Variants in C12orf42 observed in about 807,000 individuals in gnomAD.
C12orf42 encodes the protein chromosome 12 open reading frame 42, also known as uncharacterized protein C12orf42.
In C12orf42, 25 loss-of-function variants were observed where a neutral mutation model predicts 21.6. That is an observed-to-expected ratio of 1.16 (90% CI 0.84 to 1.62). C12orf42 has a LOEUF of 1.62. C12orf42 is among the 40% of genes most tolerant of loss of function. C12orf42 has a pLI of 0.00. For missense variants in C12orf42, 483 were observed against 459.3 expected (o/e 1.05, Z -0.47); for synonymous variants, 174 against 175.0 (o/e 0.99, Z 0.05).
the C12orf42 span, among the ~76,000 whole-genome samples, chr12:103,531,957 C>G: frequency 6.6e-6 from 1 of 152,080 alleles, no homozygotes; most frequent in African/African-American, 2.4e-5. Flanking sequence ...TTTTTAAGAC[C>G]AAATGATAAG....
chr12:103,286,003 TG>T (rs760898451), intron 4 of C12orf42, among the ~76,000 whole-genome samples: 3 of 151,868 alleles, frequency 2.0e-5, no homozygotes, highest in East Asian at 3.9e-4. Context: ...CCCAGCACTT[TG>T]GGGGGGTGCC....
At chr12:103,410,079 A>G (rs1257034974) in intron 2 of C12orf42, among the ~76,000 whole-genome samples, 2 of 152,188 alleles carry the variant, frequency 1.3e-5, no homozygotes, top group Admixed American at 6.6e-5. Context: ...AATACATCTT[A>G]AAGATCATTT....
At chr12:103,502,336 C>T in the C12orf42 span, among the ~76,000 whole-genome samples, 2 of 152,122 alleles carry the variant, frequency 1.3e-5, no homozygotes, top group African/African-American at 4.8e-5. Context: ...ATGGAGCAGT[C>T]AGAGTGATCT....
At chr12:103,423,254 C>T (rs1289087955) in intron 2 of C12orf42, among the ~76,000 whole-genome samples, 1 of 152,138 alleles carries the variant, frequency 6.6e-6, no homozygotes, top group Non-Finnish European at 1.5e-5. Flanking sequence ...AATTTGTGGG[C>T]CCTCCCCCCC....
At chr12:103,264,801 T>C (rs1377027251), downstream of C12orf42, among the ~76,000 whole-genome samples, 2 of 152,174 alleles carry the variant, frequency 1.3e-5, no homozygotes, top group South Asian at 2.1e-4. Flanking sequence ...ACTCCAGTCA[T>C]ATATGGCACT....
At chr12:103,438,366 T>C (rs1308372254) in intron 2 of C12orf42, among the ~76,000 whole-genome samples, 1 of 152,192 alleles carries the variant, frequency 6.6e-6, no homozygotes, top group Non-Finnish European at 1.5e-5. Context: ...ATGCCCTCTC[T>C]CACCACTCCT....
chr12:103,052,284 C>T, the C12orf42 span, among the ~76,000 whole-genome samples: 4 of 152,164 alleles, frequency 2.6e-5, no homozygotes, highest in South Asian at 8.3e-4. Context: ...TTTGAAGTGG[C>T]TTTAAAAATG....
At chr12:103,210,545 CT>C in the C12orf42 span, among the ~76,000 whole-genome samples, 1 of 151,468 alleles carries the variant, frequency 6.6e-6, no homozygotes, top group East Asian at 1.9e-4. Context: ...CCTGTTGCCC[CT>C]TTGCCTCTTT....
At chr12:103,322,110 CGT>C (rs763904632) in intron 4 of C12orf42, among the ~76,000 whole-genome samples, 49,807 of 144,566 alleles carry the variant, frequency 0.34, 8,985 homozygotes, top group African/African-American at 0.51. Flanking sequence ...CACGCGCGTG[CGT>C]GCGCGCGCGC....
chr12:103,258,136 C>T (rs1723292750), intron 10 of C12orf42, among the ~76,000 whole-genome samples: 1 of 152,074 alleles, frequency 6.6e-6, no homozygotes, highest in African/African-American at 2.4e-5. Flanking sequence ...AAGATACACA[C>T]AAACTTTCAT....
intron 4 of C12orf42, among the ~76,000 whole-genome samples, chr12:103,334,614 A>C (rs1006605372): frequency 1.3e-5 from 2 of 152,162 alleles, no homozygotes; most frequent in African/African-American, 4.8e-5. Context: ...ATAAAGAGAC[A>C]GGGCTGCCAC....
the C12orf42 span, among the ~76,000 whole-genome samples, chr12:103,177,515 A>G: frequency 1.3e-5 from 2 of 152,162 alleles, no homozygotes; most frequent in Non-Finnish European, 2.9e-5. Context: ...TTTTGAGACA[A>G]AGCTTGAGAA....
chr12:103,447,774 C>T (rs1044999525), intron 2 of C12orf42, among the ~76,000 whole-genome samples: 4 of 151,830 alleles, frequency 2.6e-5, no homozygotes, highest in African/African-American at 7.3e-5. Context: ...AACTACAAAA[C>T]GCTGCTGAAA....
chr12:103,389,337 G>A (rs973960287), intron 3 of C12orf42, among the ~76,000 whole-genome samples: 1 of 152,192 alleles, frequency 6.6e-6, no homozygotes. Flanking sequence ...TCATTAAAGA[G>A]TCAGATCCAC....
At chr12:103,182,691 A>G in the C12orf42 span, among the ~76,000 whole-genome samples, 1 of 152,238 alleles carries the variant, frequency 6.6e-6, no homozygotes, top group Non-Finnish European at 1.5e-5. Flanking sequence ...TTGTAGGTTT[A>G]AAAGAAGTTG....
At chr12:103,309,185 T>C (rs1283167295) in intron 4 of C12orf42, among the ~76,000 whole-genome samples, 1 of 152,190 alleles carries the variant, frequency 6.6e-6, no homozygotes, top group Non-Finnish European at 1.5e-5. Flanking sequence ...CAGAGTACAG[T>C]TGACCCTTGA....
In C12orf42 at chr12:103,294,469, A is replaced by G. The variant is rs1483173941; in HGVS notation, n.338-17259T>C. Among the ~76,000 whole-genome samples the G allele has an allele frequency of 6.9e-5, 9 of 130,166 alleles. No homozygotes were observed. The South Asian group carries it at 1.2e-3, about 18-fold the overall frequency. The allele number at this position is 130,166 out of a possible 152,430, so 85.4% of individuals were successfully genotyped here. A position where few individuals can be genotyped will look rare whatever the true frequency, so the allele number is the denominator to read the frequency against. On this transcript the variant is annotated intron_variant and non_coding_transcript_variant, in intron 4 of 6. Coordinates refer to the C12orf42 transcript ENST00000546526. ...AAGAAAGAAAGAAAGAAAGAAAGAAAGAAATAAGCAAGCAAGCAAGAAAGA... is the reference window on the plus strand; with the variant it reads ...AAGAAAGAAAGAAAGAAAGAAAGAAGGAAATAAGCAAGCAAGCAAGAAAGA...
the C12orf42 span, among the ~76,000 whole-genome samples, chr12:103,223,521 T>C: frequency 6.6e-6 from 1 of 152,202 alleles, no homozygotes; most frequent in African/African-American, 2.4e-5. Context: ...GCAAAGATTA[T>C]TTATTTACTT....
the C12orf42 span, among the ~76,000 whole-genome samples, chr12:103,101,709 A>G: frequency 6.6e-6 from 1 of 152,164 alleles, no homozygotes; most frequent in African/African-American, 2.4e-5. Flanking sequence ...ATTTTAAACT[A>G]CCCCAAAACC....
Sources: allele counts gnomAD v4.1 joint callset (sites outside exome capture counted in the v4.1 genomes callset), GRCh38; gene constraint gnomAD v4.1.1; transcripts MANE v1.5; gene names NCBI Gene and HGNC (gene_info 2026-07-23, HGNC 2026-07-21).